The following SORCS3 variants were observed in gnomAD, a reference collection of about 807,000 sequenced individuals.
SORCS3 encodes sortilin related VPS10 domain containing receptor 3, also known as VPS10 domain-containing receptor SorCS3.
SORCS3 carries 57 observed loss-of-function variants against 146.3 expected under a neutral mutation model. The observed-to-expected ratio is 0.39, with a 90% confidence interval of 0.31 to 0.49. The LOEUF is 0.49. Ranked by LOEUF, SORCS3 falls within the 20% of genes least tolerant of loss-of-function variation. SORCS3 has a pLI of 0.92. For missense variants in SORCS3, 1,341 were observed against 1,575.5 expected (o/e 0.85, Z 2.52); for synonymous variants, 653 against 618.5 (o/e 1.06, Z -0.83).
chr10:104,963,718 G>A (rs1422616868), intron 3 of SORCS3, among the ~76,000 whole-genome samples: 1 of 152,060 alleles, frequency 6.6e-6, no homozygotes, highest in Admixed American at 6.6e-5. Flanking sequence ...GTTTGGATGT[G>A]TATTAAGCAT....
chr10:105,067,784 G>A (rs776537757), intron 5 of SORCS3, among the ~76,000 whole-genome samples: 7 of 151,972 alleles, frequency 4.6e-5, no homozygotes, highest in Non-Finnish European at 8.8e-5. Flanking sequence ...ATGTTAACAC[G>A]GTTGTCTACT....
intron 1 of SORCS3, among the ~76,000 whole-genome samples, chr10:104,772,282 G>T (rs1051579725): frequency 2.6e-5 from 4 of 152,284 alleles, no homozygotes; most frequent in Non-Finnish European, 4.4e-5. Context: ...AGGTCTCCCT[G>T]GACCTCACCT....
Position 105,089,923 on chromosome 10 carries a change from G to A in SORCS3, c.1093+84G>A, listed in dbSNP as rs55931061. The A allele has an allele frequency of 7.6e-4, 843 of 1,102,884 alleles. 6 individuals carry two copies. The African/African-American group carries it at 0.011, about 14-fold the overall frequency. The allele number at this position is 1,102,884 out of a possible 1,614,324, so 68.3% of individuals were successfully genotyped here. Reference sequence around the variant, plus strand: ...CCCCCAATTTGCATTTTAATATCTTGGGAAGATGAAAAGCTCTGAGCTCCA... The same window carrying A: ...CCCCCAATTTGCATTTTAATATCTTAGGAAGATGAAAAGCTCTGAGCTCCA... On this transcript the variant is annotated intron_variant, in intron 6 of 26. Coordinates refer to ENST00000369701, the MANE Select transcript of SORCS3 (RefSeq NM_014978.3).
At chr10:104,844,891 A>T (rs2018186011) in intron 2 of SORCS3, among the ~76,000 whole-genome samples, 1 of 152,226 alleles carries the variant, frequency 6.6e-6, no homozygotes, top group Non-Finnish European at 1.5e-5. Flanking sequence ...ATAAGGTTCC[A>T]TTATAGATTC....
At chr10:105,257,876 G>A (rs909508768) in intron 25 of SORCS3, among the ~76,000 whole-genome samples, 2 of 152,140 alleles carry the variant, frequency 1.3e-5, no homozygotes, top group Non-Finnish European at 2.9e-5. Flanking sequence ...TAGGCCCTCA[G>A]AAATTTTATC....
chr10:104,642,234 T>C (rs1372775574), intron 1 of SORCS3, among the ~76,000 whole-genome samples: 1 of 152,198 alleles, frequency 6.6e-6, no homozygotes, highest in African/African-American at 2.4e-5. Context: ...GGGAGGGATC[T>C]GTGCTCACTT....
intron 1 of SORCS3, among the ~76,000 whole-genome samples, chr10:104,800,815 G>A (rs1404665444): frequency 1.3e-5 from 2 of 152,174 alleles, no homozygotes; most frequent in East Asian, 3.9e-4. Flanking sequence ...GCTAAGAACT[G>A]TTGTGTGAGA....
At chr10:104,732,738 C>T (rs550162750) in intron 1 of SORCS3, among the ~76,000 whole-genome samples, 10 of 152,318 alleles carry the variant, frequency 6.6e-5, no homozygotes, top group African/African-American at 2.2e-4. Flanking sequence ...ACCATGCTAA[C>T]AGGCAGGGAT....
chr10:104,938,929 G>A (rs1357615971), intron 3 of SORCS3, among the ~76,000 whole-genome samples: 3 of 152,176 alleles, frequency 2.0e-5, no homozygotes, highest in Non-Finnish European at 2.9e-5. Flanking sequence ...GCCTGTGGAG[G>A]GCTAACTAAT....
intron 1 of SORCS3, among the ~76,000 whole-genome samples, chr10:104,730,975 T>C (rs149147532): frequency 6.6e-6 from 1 of 152,336 alleles, no homozygotes; most frequent in Non-Finnish European, 1.5e-5. Context: ...CTTTCTGTTC[T>C]ACCCTGTGGA....
At chr10:104,975,997 A>G (rs1189649214) in intron 3 of SORCS3, among the ~76,000 whole-genome samples, 2 of 152,190 alleles carry the variant, frequency 1.3e-5, no homozygotes, top group Non-Finnish European at 1.5e-5. Context: ...GGACATAGGC[A>G]TGGGCAAGGA....
chr10:105,149,770 T>A (rs791140), intron 9 of SORCS3, among the ~76,000 whole-genome samples: 1 of 151,816 alleles, frequency 6.6e-6, no homozygotes, highest in Non-Finnish European at 1.5e-5. Flanking sequence ...CCACTATGCT[T>A]CTCTTATTCT....
intron 1 of SORCS3, among the ~76,000 whole-genome samples, chr10:104,709,390 T>G (rs143656234): frequency 6.8e-4 from 103 of 152,336 alleles, no homozygotes; most frequent in African/African-American, 2.4e-3. Context: ...GGTGGGATTT[T>G]GTGCCAATTC....
intron 1 of SORCS3, among the ~76,000 whole-genome samples, chr10:104,650,145 A>G (rs1232463523): frequency 6.6e-6 from 1 of 152,224 alleles, no homozygotes; most frequent in East Asian, 1.9e-4. Flanking sequence ...TGTTCCCCAG[A>G]ATTATCACAC....
At chr10:104,813,655 C>G (rs1333917128) in intron 1 of SORCS3, among the ~76,000 whole-genome samples, 1 of 152,178 alleles carries the variant, frequency 6.6e-6, no homozygotes, top group South Asian at 2.1e-4. Context: ...CTTAGCCTCT[C>G]TTCATGGGTT....
At chr10:104,753,089 C>G (rs141423436) in intron 1 of SORCS3, among the ~76,000 whole-genome samples, 32 of 152,332 alleles carry the variant, frequency 2.1e-4, no homozygotes, top group African/African-American at 7.7e-4. Flanking sequence ...AGTATGTTCA[C>G]TCTATTGACT....
rs1364403463 is a variant in SORCS3 at position 105,041,432 on chromosome 10, C to A, written c.955-1623C>A. ...AAAAATATATATATATATATACACA[C>A]ACATATATATAACTATATATATACA... On this transcript the variant is annotated intron_variant, in intron 4 of 26. Coordinates refer to ENST00000369701, the MANE Select transcript of SORCS3 (RefSeq NM_014978.3). Among the ~76,000 whole-genome samples, 6 of 146,596 alleles carry A rather than the reference C, an allele frequency of 4.1e-5. No homozygotes were observed. The Admixed American group carries it at 4.1e-4, about 10-fold the overall frequency.
intron 1 of SORCS3, among the ~76,000 whole-genome samples, chr10:104,724,113 C>T (rs184585044): frequency 0.014 from 2,068 of 152,264 alleles, 39 homozygotes; most frequent in African/African-American, 0.041. Flanking sequence ...GTGGCTGGTA[C>T]CGGTTGTTCC....
At chr10:104,747,717 C>T (rs557684352) in intron 1 of SORCS3, among the ~76,000 whole-genome samples, 159 of 152,314 alleles carry the variant, frequency 1.0e-3, no homozygotes, top group South Asian at 1.7e-3. Context: ...CTGCTCGGAC[C>T]ATTCTCAGCA....
Sources: gnomAD v4.1 joint callset for allele counts (sites outside exome capture counted in the v4.1 genomes callset) on GRCh38, gnomAD v4.1.1 for gene constraint, MANE v1.5 for transcripts, NCBI Gene and HGNC (gene_info 2026-07-23, HGNC 2026-07-21) for gene names.